Variants in MEMO1 observed in about 807,000 individuals in gnomAD.
MEMO1 encodes mediator of cell motility 1.
Under a neutral mutation model 45.2 loss-of-function variants are expected in MEMO1, and 6 were observed. The ratio of observed to expected loss-of-function variants is 0.13; its 90% CI spans 0.07 to 0.26. MEMO1 has a LOEUF of 0.26. Ranked by LOEUF, MEMO1 falls within the 10% of genes least tolerant of loss-of-function variation. The probability of loss-of-function intolerance (pLI) is 1.00; values close to 1 mark genes in which losing one functional copy is unlikely to be tolerated. For missense variants in MEMO1, 184 were observed against 370.5 expected (o/e 0.50, Z 4.13); for synonymous variants, 78 against 124.3 (o/e 0.63, Z 2.48).
At chr2:31,992,318 C>T (rs191361444) in intron 2 of MEMO1, among the ~76,000 whole-genome samples, 6 of 152,252 alleles carry the variant, frequency 3.9e-5, no homozygotes, top group Admixed American at 2.0e-4. Context: ...AATACAAGGG[C>T]AGAGTTGACT....
intron 2 of MEMO1, among the ~76,000 whole-genome samples, chr2:31,971,969 C>CAA (rs1030287206): frequency 6.8e-6 from 1 of 147,532 alleles, no homozygotes; most frequent in African/African-American, 2.5e-5. Context: ...GACTCTGTCT[C>CAA]AAAAAAAAAG....
At chr2:31,954,114 C>G (rs1267182019) in intron 2 of MEMO1, among the ~76,000 whole-genome samples, 1 of 152,186 alleles carries the variant, frequency 6.6e-6, no homozygotes, top group Non-Finnish European at 1.5e-5. Flanking sequence ...ATCACTAACA[C>G]AGAGGGAACA....
At chr2:32,005,834 A>C (rs899349461) in intron 2 of MEMO1, among the ~76,000 whole-genome samples, 4 of 152,206 alleles carry the variant, frequency 2.6e-5, no homozygotes, top group Non-Finnish European at 4.4e-5. Flanking sequence ...CTTAGGGTAC[A>C]AAAAAATGAG....
intron 2 of MEMO1, among the ~76,000 whole-genome samples, chr2:32,009,361 G>C (rs1263771144): frequency 6.6e-6 from 1 of 152,214 alleles, no homozygotes. Context: ...GAAGAGCTGG[G>C]AGCCCCCCCA....
Position 31,943,301 on chromosome 2 carries a change from C to T in MEMO1, c.143+1G>A, listed in dbSNP as rs1422462594. 6.2e-7 allele frequency: 1 copy of T among 1,609,834 alleles called. No homozygotes were observed. Among genetic ancestry groups the T allele is most frequent in the Non-Finnish European group, 8.5e-7 (1 of 1,176,330 alleles). ...CAAAAACAAAAACAAAAAAGACTTA[C>T]GGGGCAATAATGGCTCTAGCAGGTC... On this transcript the variant is annotated splice_donor_variant, in intron 3 of 9. Transcript: ENST00000404530. LOFTEE classifies it high-confidence loss of function.
At chr2:31,969,554 C>T (rs999683197) in intron 2 of MEMO1, among the ~76,000 whole-genome samples, 1 of 144,652 alleles carries the variant, frequency 6.9e-6, no homozygotes, top group Admixed American at 7.0e-5. Context: ...TTTATCTATA[C>T]TTTCTAAATC....
At chr2:31,905,825 A>G (rs1440091668) in intron 6 of MEMO1, among the ~76,000 whole-genome samples, 1 of 152,080 alleles carries the variant, frequency 6.6e-6, no homozygotes. Context: ...CATCTCCCAC[A>G]TCTGTTCAGT....
chr2:31,952,054 A>G (rs1227683764), intron 2 of MEMO1, among the ~76,000 whole-genome samples: 1 of 152,178 alleles, frequency 6.6e-6, no homozygotes, highest in African/African-American at 2.4e-5. Context: ...CACCTTAGGG[A>G]GTGCAAGAAC....
chr2:31,937,886 C>A (rs2148291358), intron 3 of MEMO1, among the ~76,000 whole-genome samples: 1 of 152,222 alleles, frequency 6.6e-6, no homozygotes. Flanking sequence ...CAGCTTCATT[C>A]TAGGGGTTGC....
chr2:31,898,838 G>A (rs1678298370), intron 6 of MEMO1, among the ~76,000 whole-genome samples: 2 of 152,234 alleles, frequency 1.3e-5, no homozygotes, highest in East Asian at 1.9e-4. Context: ...ATTATTGTGT[G>A]GGAGTCTAAG....
intron 8 of MEMO1, among the ~76,000 whole-genome samples, chr2:31,870,706 A>C (rs1055159882): frequency 2.0e-5 from 3 of 152,050 alleles, no homozygotes; most frequent in Non-Finnish European, 2.9e-5. Flanking sequence ...CCTCCTGAGT[A>C]ACTGGGATTA....
intron 1 of MEMO1, chr2:32,010,608 T>TC (rs1674780748): frequency 3.3e-5 from 1 of 30,020 alleles, no homozygotes; most frequent in South Asian, 2.2e-4. Context: ...CACGGCCCCC[T>TC]CCCCTCCCAG....
At chr2:31,990,158 T>A (rs1263796008) in intron 2 of MEMO1, among the ~76,000 whole-genome samples, 1 of 152,132 alleles carries the variant, frequency 6.6e-6, no homozygotes, top group African/African-American at 2.4e-5. Context: ...CAAATTTACA[T>A]CTGGGTGAGG....
intron 3 of MEMO1, among the ~76,000 whole-genome samples, chr2:31,933,370 T>C (rs1356488415): frequency 1.0e-5 from 1 of 95,660 alleles, no homozygotes; most frequent in Non-Finnish European, 2.0e-5. Flanking sequence ...TATATATATA[T>C]ATATATATAT....
At chr2:31,998,708 G>A (rs1344799553) in intron 2 of MEMO1, among the ~76,000 whole-genome samples, 1 of 151,764 alleles carries the variant, frequency 6.6e-6, no homozygotes, top group Non-Finnish European at 1.5e-5. Flanking sequence ...GCTGAGACAG[G>A]AGAATCACTT....
At chr2:31,995,297 C>T (rs1672451972) in intron 2 of MEMO1, among the ~76,000 whole-genome samples, 1 of 151,748 alleles carries the variant, frequency 6.6e-6, no homozygotes. Context: ...ACTAAAAATA[C>T]AAAAATTAGC....
intron 2 of MEMO1, among the ~76,000 whole-genome samples, chr2:32,001,734 C>G (rs1372366336): frequency 1.3e-5 from 2 of 152,144 alleles, no homozygotes; most frequent in African/African-American, 2.4e-5. Flanking sequence ...TAATATGACT[C>G]AGATGACGTA....
At chr2:31,973,486 G>A (rs1453075497) in intron 2 of MEMO1, among the ~76,000 whole-genome samples, 1 of 152,092 alleles carries the variant, frequency 6.6e-6, no homozygotes, top group East Asian at 1.9e-4. Context: ...TTAAAAGCAG[G>A]TATTTAAACA....
At chr2:31,964,784 G>A (rs1178337715) in intron 2 of MEMO1, among the ~76,000 whole-genome samples, 1 of 151,996 alleles carries the variant, frequency 6.6e-6, no homozygotes, top group Non-Finnish European at 1.5e-5. Context: ...AGGAACTGTT[G>A]TTTTTACAGT....
Sources: allele counts gnomAD v4.1 joint callset (sites outside exome capture counted in the v4.1 genomes callset), GRCh38; gene constraint gnomAD v4.1.1; transcripts MANE v1.5; gene names NCBI Gene and HGNC (gene_info 2026-07-23, HGNC 2026-07-21).